Variants in DLG2 observed in about 807,000 individuals in gnomAD.
DLG2 encodes discs large MAGUK scaffold protein 2.
In DLG2, 45 loss-of-function variants were observed where a neutral mutation model predicts 132.5. The observed-to-expected ratio is 0.34, with a 90% confidence interval of 0.27 to 0.44. The LOEUF is 0.44. DLG2 is among the 20% of genes least tolerant of loss of function. DLG2 has a pLI of 1.00. For synonymous variants in DLG2, 424 were observed against 419.6 expected (o/e 1.01, Z -0.13); for missense variants, 1,045 against 1,196.9 (o/e 0.87, Z 1.87).
At chr11:84,374,078 G>T (rs1274874946) in intron 7 of DLG2, among the ~76,000 whole-genome samples, 1 of 152,112 alleles carries the variant, frequency 6.6e-6, no homozygotes, top group Non-Finnish European at 1.5e-5. Flanking sequence ...ACCAAACTGA[G>T]TCAAATCCCA....
chr11:84,408,585 T>TAATTAAGGTAGAAATTAAA (rs1800163817), intron 7 of DLG2, among the ~76,000 whole-genome samples: 9 of 152,114 alleles, frequency 5.9e-5, no homozygotes, highest in Non-Finnish European at 5.9e-5. Context: ...TAATTATAAT[T>TAATTAAGGTAGAAATTAAA]CAAGGTAGAA....
chr11:85,172,125 T>C (rs1325991906), intron 4 of DLG2, among the ~76,000 whole-genome samples: 1 of 152,190 alleles, frequency 6.6e-6, no homozygotes, highest in Admixed American at 6.5e-5. Context: ...CTTGTTTAAG[T>C]GGGTTCCTGA....
chr11:84,625,151 C>T (rs547246034), intron 6 of DLG2, among the ~76,000 whole-genome samples: 11 of 152,082 alleles, frequency 7.2e-5, no homozygotes, highest in African/African-American at 2.7e-4. Flanking sequence ...TGAGCCACCG[C>T]GCCCGGCCCG....
chr11:83,755,888 C>G (rs995768990), intron 18 of DLG2, among the ~76,000 whole-genome samples: 1 of 151,342 alleles, frequency 6.6e-6, no homozygotes, highest in Admixed American at 6.6e-5. Context: ...TATTCCCACA[C>G]GTGCCTTTAA....
intron 11 of DLG2, among the ~76,000 whole-genome samples, chr11:83,990,249 T>C (rs907987954): frequency 4.6e-5 from 7 of 152,138 alleles, no homozygotes; most frequent in African/African-American, 1.7e-4. Context: ...AATGACCTGT[T>C]TGGCAATCAC....
At chr11:85,561,540 C>T (rs2077246842) in intron 3 of DLG2, among the ~76,000 whole-genome samples, 1 of 151,466 alleles carries the variant, frequency 6.6e-6, no homozygotes, top group African/African-American at 2.4e-5. Flanking sequence ...CTCGCATTAG[C>T]ACTTAAAAAT....
At chr11:85,607,490 C>T (rs1272494041) in intron 2 of DLG2, among the ~76,000 whole-genome samples, 1 of 152,246 alleles carries the variant, frequency 6.6e-6, no homozygotes, top group African/African-American at 2.4e-5. Context: ...GCCAGATAAA[C>T]TTCCTCTCAC....
At chr11:84,017,279 T>A (rs1383450310) in intron 11 of DLG2, among the ~76,000 whole-genome samples, 3 of 152,086 alleles carry the variant, frequency 2.0e-5, no homozygotes, top group Non-Finnish European at 4.4e-5. Context: ...AGTATAGTCT[T>A]CTGCCTACAA....
At chr11:84,770,716 G>A (rs1307037311) in intron 6 of DLG2, among the ~76,000 whole-genome samples, 1 of 150,728 alleles carries the variant, frequency 6.6e-6, no homozygotes, top group Non-Finnish European at 1.5e-5. Flanking sequence ...CACGATCTCG[G>A]CTCCCTGCAA....
rs1344850815 is a variant in DLG2, at chr11:85,504,509, T to G, written c.40+94148A>C. 2.6e-5 allele frequency among the ~76,000 whole-genome samples: 4 copies of G among 152,246 alleles called. No homozygotes were observed. In the South Asian group the frequency reaches 8.3e-4, roughly 32 times the overall value. ...TCTTGTTTTTGTCAGGTTTATCAAA[T>G]ATCAGATGGTTGTAGATGTGTGGTA... On this transcript the variant is annotated intron_variant, in intron 3 of 27. Transcript: ENST00000376104.
chr11:84,835,253 T>C (rs550737807), intron 6 of DLG2, among the ~76,000 whole-genome samples: 4 of 151,740 alleles, frequency 2.6e-5, no homozygotes, highest in East Asian at 2.0e-4. Context: ...GGAACTAATA[T>C]ATAGATAACA....
chr11:83,788,626 G>A (rs1247815361), intron 17 of DLG2, among the ~76,000 whole-genome samples: 1 of 152,228 alleles, frequency 6.6e-6, no homozygotes, highest in Non-Finnish European at 1.5e-5. Flanking sequence ...GAAGAGACAG[G>A]AAAGGTAATT....
chr11:83,527,044 G>A (rs1223419548), intron 21 of DLG2, among the ~76,000 whole-genome samples: 1 of 152,134 alleles, frequency 6.6e-6, no homozygotes. Context: ...TTAAATAAAT[G>A]AATGAAGTCA....
At chr11:84,820,085 CACAAGACAATGTACA>C (rs971166594) in intron 6 of DLG2, among the ~76,000 whole-genome samples, 1 of 149,860 alleles carries the variant, frequency 6.7e-6, no homozygotes, top group African/African-American at 2.5e-5. Flanking sequence ...CACAGAGATC[CACAAGACAATGTACA>C]ACTGTAAATT....
At chr11:85,381,742 C>T (rs2085908826) in intron 3 of DLG2, among the ~76,000 whole-genome samples, 1 of 151,794 alleles carries the variant, frequency 6.6e-6, no homozygotes, top group South Asian at 2.1e-4. Context: ...ATTTAGAAGA[C>T]AATTCCATTT....
intron 3 of DLG2, among the ~76,000 whole-genome samples, chr11:85,468,501 G>A (rs546057644): frequency 1.9e-4 from 29 of 152,228 alleles, no homozygotes; most frequent in Non-Finnish European, 2.8e-4. Context: ...CAGAGATTCC[G>A]GTATATTGAG....
At chr11:84,831,586 T>C (rs529406705) in intron 6 of DLG2, among the ~76,000 whole-genome samples, 1 of 151,548 alleles carries the variant, frequency 6.6e-6, no homozygotes, top group Non-Finnish European at 1.5e-5. Context: ...ATTAAAGGAA[T>C]AAAAAGAAGG....
intron 3 of DLG2, among the ~76,000 whole-genome samples, chr11:85,349,538 T>G (rs555077518): frequency 6.6e-6 from 1 of 152,076 alleles, no homozygotes; most frequent in Non-Finnish European, 1.5e-5. Flanking sequence ...ATTAGGTATT[T>G]CTCCTAATGC....
At chr11:83,974,529 C>A (rs1261856657) in intron 12 of DLG2, among the ~76,000 whole-genome samples, 1 of 151,968 alleles carries the variant, frequency 6.6e-6, no homozygotes, top group Non-Finnish European at 1.5e-5. Context: ...AAAATCAAAT[C>A]ACTTACTTGA....
Sources: allele counts gnomAD v4.1 joint callset (sites outside exome capture counted in the v4.1 genomes callset), GRCh38; gene constraint gnomAD v4.1.1; transcripts MANE v1.5; gene names NCBI Gene and HGNC (gene_info 2026-07-23, HGNC 2026-07-21).